BMPR1B: variants seen among roughly 807,000 people sequenced by gnomAD.
BMPR1B encodes the protein bone morphogenetic protein receptor type-1B.
Under a neutral mutation model 59.1 loss-of-function variants are expected in BMPR1B, and 12 were observed. The ratio of observed to expected loss-of-function variants is 0.20; its 90% confidence interval spans 0.13 to 0.33. The LOEUF (loss-of-function observed/expected upper bound fraction) is 0.33. Ranked by LOEUF, BMPR1B falls within the 10% of genes least tolerant of loss-of-function variation. The pLI is 1.00. For missense variants in BMPR1B, 550 were observed against 610.9 expected (o/e 0.90, Z 1.05); for synonymous variants, 237 against 207.3 (o/e 1.14, Z -1.23).
intron 2 of BMPR1B, among the ~76,000 whole-genome samples, chr4:94,977,722 T>A (rs1220033638): frequency 2.6e-5 from 4 of 152,100 alleles, no homozygotes; most frequent in Non-Finnish European, 4.4e-5. Flanking sequence ...CTGGGCATGG[T>A]GGCGCGTGCC....
chr4:95,026,999 A>C (rs1724473784), intron 3 of BMPR1B, among the ~76,000 whole-genome samples: 1 of 151,926 alleles, frequency 6.6e-6, no homozygotes, highest in Non-Finnish European at 1.5e-5. Context: ...TCCTGGGCTC[A>C]AGTGATTCTC....
rs777977264 is a variant in BMPR1B at position 95,104,395 on chromosome 4, T to G, written c.-17-13T>G. On this transcript the variant is annotated splice_polypyrimidine_tract_variant and intron_variant, in intron 3 of 12. Coordinates refer to ENST00000515059, the MANE Select transcript of BMPR1B (RefSeq NM_001203.3). ...CCCCACAGATGCCTAACTCTCACTA[T>G]TTCTTCTTTCAGCAAACTTCCTTGA... 7 of 1,612,568 alleles carry G rather than the reference T, an allele frequency of 4.3e-6. No individual in the cohort carries two copies. The South Asian group carries it at 6.6e-5, about 15-fold the overall frequency.
intron 2 of BMPR1B, among the ~76,000 whole-genome samples, chr4:94,903,752 C>G (rs183163311): frequency 1.3e-5 from 2 of 151,886 alleles, no homozygotes; most frequent in East Asian, 3.9e-4. Context: ...GACTGGTGTC[C>G]TTATAAGAAG....
chr4:95,153,583 T>A (rs1735209234), intron 12 of BMPR1B, among the ~76,000 whole-genome samples: 1 of 152,168 alleles, frequency 6.6e-6, no homozygotes, highest in Non-Finnish European at 1.5e-5. Flanking sequence ...GCACTGTGGC[T>A]CACATCTGTA....
intron 1 of BMPR1B, among the ~76,000 whole-genome samples, chr4:94,783,999 G>C (rs994851695): frequency 1.3e-5 from 2 of 152,106 alleles, no homozygotes; most frequent in African/African-American, 4.8e-5. Context: ...GATATGTTAT[G>C]CTCAGAGACC....
intron 2 of BMPR1B, among the ~76,000 whole-genome samples, chr4:94,906,337 T>C (rs79958004): frequency 3.5e-3 from 533 of 152,218 alleles, no homozygotes; most frequent in Admixed American, 6.7e-3. Flanking sequence ...CTTATTACTT[T>C]TGTTATGTCA....
chr4:95,018,176 CTT>C (rs1300172231), intron 3 of BMPR1B, among the ~76,000 whole-genome samples: 1 of 152,072 alleles, frequency 6.6e-6, no homozygotes, highest in Non-Finnish European at 1.5e-5. Flanking sequence ...ATGCAACAGT[CTT>C]ATAAAATTCA....
At chr4:94,922,568 A>G (rs528845535) in intron 2 of BMPR1B, among the ~76,000 whole-genome samples, 7 of 152,320 alleles carry the variant, frequency 4.6e-5, no homozygotes, top group South Asian at 4.1e-4. Flanking sequence ...TGCAAAATCT[A>G]AAGCATGCGG....
At chr4:95,050,665 A>G (rs908534508) in intron 3 of BMPR1B, among the ~76,000 whole-genome samples, 2 of 152,318 alleles carry the variant, frequency 1.3e-5, no homozygotes, top group African/African-American at 2.4e-5. Flanking sequence ...TATGATGATG[A>G]TATCTTAGAT....
intron 2 of BMPR1B, among the ~76,000 whole-genome samples, chr4:94,947,749 T>G (rs1363721542): frequency 3.9e-5 from 6 of 152,198 alleles, no homozygotes; most frequent in Non-Finnish European, 8.8e-5. Context: ...TGGTCTGTCT[T>G]ATCTCCTGTA....
intron 3 of BMPR1B, among the ~76,000 whole-genome samples, chr4:95,093,446 GGTTTATAATTCTATGTCAA>G (rs1730143840): frequency 4.2e-5 from 1 of 23,658 alleles, no homozygotes; most frequent in South Asian, 1.2e-3. Context: ...TGTCTGCTGA[GGTTTATAATTCTATGTCAA>G]TTACCTGGAA....
At chr4:95,071,644 G>GTATA (rs1410154969) in intron 3 of BMPR1B, among the ~76,000 whole-genome samples, 4 of 83,622 alleles carry the variant, frequency 4.8e-5, no homozygotes, top group African/African-American at 2.3e-4. Context: ...GTGTGTGTGT[G>GTATA]TGTGTGTGTA....
At chr4:95,089,144 AT>A (rs1469296450) in intron 3 of BMPR1B, among the ~76,000 whole-genome samples, 8 of 152,318 alleles carry the variant, frequency 5.3e-5, no homozygotes, top group African/African-American at 1.9e-4. Flanking sequence ...TGATAATGAA[AT>A]TTAAGATAAT....
At chr4:95,038,391 T>A (rs1725416156) in intron 3 of BMPR1B, among the ~76,000 whole-genome samples, 1 of 150,426 alleles carries the variant, frequency 6.6e-6, no homozygotes, top group African/African-American at 2.5e-5. Context: ...CCAGCCTGAG[T>A]TTCGTCTAAA....
In BMPR1B at chr4:95,157,265, T is replaced by G. The variant is rs1029118297; in HGVS notation, c.*2592T>G. 1 of 152,148 alleles carries G rather than the reference T, an allele frequency of 6.6e-6. No individual in the cohort carries two copies. Among genetic ancestry groups the G allele is most frequent in the Non-Finnish European group, 1.5e-5 (1 of 67,992 alleles). The allele number at this position is 152,148 out of a possible 1,614,324, so 9.4% of individuals were successfully genotyped here. On this transcript the variant is annotated 3_prime_UTR_variant, in exon 13 of 13. Transcript: ENST00000515059. ...AAAAAGACCCACTTAGCGATTATAG[T>G]TGCTCAATGAAACAAGAATTTATTT... is the stretch of plus-strand genomic sequence containing the variant.
rs531162074 is a variant in BMPR1B at position 94,987,019 on chromosome 4, C to T, written c.-112-9021C>T. On this transcript the variant is annotated intron_variant, in intron 2 of 12. Transcript: ENST00000515059. ...TCGCGCCACTGCACTCCAGCCTGGG[C>T]GACAGAGCCAGACTCTGTCTCAAAA... is the stretch of plus-strand genomic sequence containing the variant. Among the ~76,000 whole-genome samples, 361 of 132,302 alleles carry T rather than the reference C, an allele frequency of 2.7e-3. 1 individual carries two copies. The highest frequency in any genetic ancestry group is 9.6e-3 in the African/African-American group (337 of 35,208). 86.8% of individuals were successfully genotyped at this position (132,302 alleles called of 152,430 possible).
At chr4:95,078,020 G>A (rs920195544) in intron 3 of BMPR1B, among the ~76,000 whole-genome samples, 1 of 152,156 alleles carries the variant, frequency 6.6e-6, no homozygotes, top group Non-Finnish European at 1.5e-5. Flanking sequence ...AGTAACATGA[G>A]TATGCTTCAC....
chr4:95,128,969 T>A (rs1027872800), intron 8 of BMPR1B, among the ~76,000 whole-genome samples: 1 of 152,104 alleles, frequency 6.6e-6, no homozygotes, highest in Non-Finnish European at 1.5e-5. Flanking sequence ...CCCTCCATTT[T>A]TTTTTGTTCT....
intron 1 of BMPR1B, among the ~76,000 whole-genome samples, chr4:94,813,823 AT>A (rs1283028533): frequency 2.0e-5 from 3 of 152,072 alleles, no homozygotes; most frequent in African/African-American, 7.2e-5. Context: ...GTCCTGATGG[AT>A]TGGTGGATAT....
Sources: allele counts gnomAD v4.1 joint callset (sites outside exome capture counted in the v4.1 genomes callset), GRCh38; gene constraint gnomAD v4.1.1; transcripts MANE v1.5; gene names NCBI Gene and HGNC (gene_info 2026-07-23, HGNC 2026-07-21).